PRDM15: variants seen among roughly 807,000 people sequenced by gnomAD.
PRDM15 encodes PR domain zinc finger protein 15.
A neutral mutation model predicts 128.6 loss-of-function variants in PRDM15; 64 were observed. The ratio of observed to expected loss-of-function variants is 0.50; its 90% CI spans 0.41 to 0.61. The LOEUF is 0.61. Ranked by LOEUF, PRDM15 falls within the 20% of genes least tolerant of loss-of-function variation. PRDM15 has a pLI of 0.00. For missense variants in PRDM15, 1,242 were observed against 1,569.1 expected, an observed-to-expected ratio of 0.79 and a Z score of 3.52; for synonymous variants, 615 against 621.8, an observed-to-expected ratio of 0.99 and a Z score of 0.16.
At position 41,801,212 on chromosome 21, in the gene PRDM15, TC is replaced by T. The variant is rs2061405474; in HGVS notation, c.*27del. 2.0e-6 allele frequency: 3 copies of T among 1,506,134 alleles called. No individual in the cohort carries two copies. Among genetic ancestry groups the T allele is most frequent in the Admixed American group, 4.5e-5 (2 of 44,108 alleles). The allele number at this position is 1,506,134 out of a possible 1,614,324, so 93.3% of individuals were successfully genotyped here. Reference sequence around the variant, plus strand: ...CAAATCCCAAACATCCCTCTGCAGTTCTTGCCCCGAGTCTCCCGGAACGCAG... The same window carrying T: ...CAAATCCCAAACATCCCTCTGCAGTTTTGCCCCGAGTCTCCCGGAACGCAG... On this transcript the variant is annotated 3_prime_UTR_variant, in exon 24 of 24. Transcript: ENST00000398548.
chr21:41,863,795 A>G (rs531449746), intron 1 of PRDM15, among the ~76,000 whole-genome samples: 1 of 152,328 alleles, frequency 6.6e-6, no homozygotes, highest in African/African-American at 2.4e-5. Flanking sequence ...ACAGAAATCA[A>G]TGGAACAAAA....
In PRDM15 at chr21:41,802,748, G is replaced by A. The variant is rs374593622; in HGVS notation, c.2907C>T (p.Gly969=). Residue 969 remains glycine (G), a synonymous_variant, in exon 23 of 24, where the codon GGC becomes GGT. Transcript: ENST00000398548. The part of the protein sequence containing the change: ...EKETEFTGSV[G]DETNSAVQSI... ...TCTGTACTGCGGAATTGGTCTCGTC[G>A]CCTACACTGCCTGTGAACTCCGTCT... 8.1e-6 allele frequency: 13 copies of A among 1,614,004 alleles called. No homozygotes were observed. The highest frequency in any genetic ancestry group is 1.3e-5 in the African/African-American group (1 of 74,898).
At chr21:41,834,702 T>C (rs1209083847) in intron 11 of PRDM15, 4 of 679,948 alleles carry the variant, frequency 5.9e-6, no homozygotes, top group East Asian at 5.4e-5. Flanking sequence ...AGGGTGCACG[T>C]CATCACTGCA....
intron 18 of PRDM15, 120 bp from the exon 19 acceptor site, chr21:41,815,956 G>T: frequency 1.5e-6 from 2 of 1,302,014 alleles, no homozygotes; most frequent in Non-Finnish European, 2.1e-6. Flanking sequence ...GAGGGTGTGG[G>T]CCGGCCCCCG....
At chr21:41,818,100 C>T (rs1163206337) in intron 18 of PRDM15, among the ~76,000 whole-genome samples, 1 of 152,212 alleles carries the variant, frequency 6.6e-6, no homozygotes, top group Non-Finnish European at 1.5e-5. Context: ...ACGCGCTACT[C>T]AGGACCCCTC....
Position 41,854,712 on chromosome 21 carries a change from A to AAATGCTAGATTT in PRDM15, c.391_392insAAATCTAGCATT (p.Asn130_Leu131insGlnIleTer). On this transcript the variant is annotated stop_gained, in exon 5 of 24. Coordinates refer to ENST00000398548, the MANE Select transcript of PRDM15 (RefSeq NM_001040424.3). LOFTEE classifies it high-confidence loss of function. This position sits in a 1 kb window ranked among gnomAD's most constrained non-coding sequence, Gnocchi z 4.6. ...GTCGCTGCCGTGCTGGTAGGCCGTC[A>AAATGCTAGATTT]GGTTCTGGTGCTCGGCCTCCGCCGC... 6.2e-7 allele frequency: 1 copy of AAATGCTAGATTT among 1,613,446 alleles called. No individual in the cohort carries two copies.
chr21:41,832,605 C>A lies in PRDM15; in HGVS notation c.1366+2832G>T, dbSNP rs1310520800. ...CAGCATAGGTGAGCCTCCCTCCCAG[C>A]CAGGCACTAAAGAGCACAGGTGAGC... On this transcript the variant is annotated intron_variant, in intron 11 of 23. Transcript: ENST00000398548. The surrounding 1 kb of genome is among the most constrained non-coding windows in gnomAD (Gnocchi z 4.2). Among the ~76,000 whole-genome samples, 1 of 152,010 alleles carries A rather than the reference C, an allele frequency of 6.6e-6. No homozygotes were observed. Among genetic ancestry groups the A allele is most frequent in the African/African-American group, 2.4e-5 (1 of 41,374 alleles).
In PRDM15 at chr21:41,821,916, C is replaced by T; in HGVS notation, c.1883G>A (p.Cys628Tyr). Residue 628 changes from cysteine (C) to tyrosine (Y), a missense_variant, in exon 15 of 24, where the codon TGC becomes TAC. Around this residue, in one of 3 missense-constraint regions of PRDM15, gnomAD observed 602 missense variants for 788.3 expected, o/e 0.76. Coordinates refer to ENST00000398548, the MANE Select transcript of PRDM15 (RefSeq NM_001040424.3). The surrounding 1 kb of genome is among the most constrained non-coding windows in gnomAD (Gnocchi z 5.4). Reference protein sequence around the residue: ...SADSEPHKYSCKRCQLTFGRG... With the variant: ...SADSEPHKYSYKRCQLTFGRG... ...AACCCGCCATACCTGGCACCGCTTGCAGCTGTACTTGTGAGGCTCCGAGTC... is the reference window on the plus strand; with the variant it reads ...AACCCGCCATACCTGGCACCGCTTGTAGCTGTACTTGTGAGGCTCCGAGTC... 1 of 1,614,134 alleles carries T rather than the reference C, an allele frequency of 6.2e-7. No individual in the cohort carries two copies. Among genetic ancestry groups the T allele is most frequent in the Non-Finnish European group, 8.5e-7 (1 of 1,180,042 alleles).
At chr21:41,807,006 C>CCATCACT (rs2061701800) in intron 21 of PRDM15, among the ~76,000 whole-genome samples, 3 of 151,576 alleles carry the variant, frequency 2.0e-5, no homozygotes, top group Admixed American at 6.6e-5. Context: ...CCTCTACCAC[C>CCATCACT]ACCATCACCA....
intron 14 of PRDM15, 109 bp from the exon 15 acceptor site, chr21:41,822,146 C>T (rs2062298976): frequency 4.1e-6 from 6 of 1,460,628 alleles, no homozygotes; most frequent in East Asian, 2.3e-5. Flanking sequence ...AAGAAAATGC[C>T]TCTCTGATGC....
chr21:41,845,947 T>C (rs1477417319), intron 6 of PRDM15, among the ~76,000 whole-genome samples: 2 of 151,964 alleles, frequency 1.3e-5, no homozygotes, highest in South Asian at 2.1e-4. Flanking sequence ...AAACGCGGCG[T>C]TTCTAGAAAA....
chr21:41,850,682 C>T (rs1204860388), intron 5 of PRDM15, among the ~76,000 whole-genome samples: 5 of 151,936 alleles, frequency 3.3e-5, no homozygotes, highest in African/African-American at 7.3e-5. Flanking sequence ...CAGTGAGCCA[C>T]GATCATGCCA....
chr21:41,835,604 C>T lies in PRDM15; in HGVS notation c.1279-80G>A, dbSNP rs749744347. The T allele has an allele frequency of 3.0e-5, 34 of 1,127,070 alleles. No individual in the cohort carries two copies. In the African/African-American group the frequency reaches 3.4e-4, roughly 11 times the overall value. 69.8% of individuals were successfully genotyped at this position (1,127,070 alleles called of 1,614,324 possible). On this transcript the variant is annotated intron_variant, in intron 10 of 23. Transcript: ENST00000398548. ...CCGAGCCCCCGACGTGCTGCCCGGG[C>T]GACTCCACGCCTGTGTCTGTTATGA...
chr21:41,833,268 C>G (rs568170375), intron 11 of PRDM15, among the ~76,000 whole-genome samples: 1 of 152,230 alleles, frequency 6.6e-6, no homozygotes, highest in South Asian at 2.1e-4. Flanking sequence ...CACAACAGGT[C>G]CCATGGAGGG....
intron 12 of PRDM15, among the ~76,000 whole-genome samples, chr21:41,827,951 G>A (rs192897905): frequency 9.9e-4 from 150 of 152,184 alleles, no homozygotes; most frequent in Non-Finnish European, 1.3e-3. Context: ...TTCTCCTTGC[G>A]CACAGCAGGT....
intron 21 of PRDM15, among the ~76,000 whole-genome samples, chr21:41,806,565 CACCAT>C (rs1415471809): frequency 4.0e-4 from 2 of 4,946 alleles, no homozygotes; most frequent in Non-Finnish European, 8.7e-4. Flanking sequence ...CCATCACCAT[CACCAT>C]ACCACCACCA....
rs535721275 is a variant in PRDM15 at position 41,810,692 on chromosome 21, C to G, written c.2476+61G>C. On this transcript the variant is annotated intron_variant, in intron 20 of 23. Transcript: ENST00000398548. The surrounding 1 kb of genome is among the most constrained non-coding windows in gnomAD (Gnocchi z 6.4). The stretch of plus-strand genomic sequence containing the variant: ...AGTCGTTTCCACCCCAGCAGGCACT[C>G]AGACAGCCCCGGCAGCCTGCCGCGT... 7 of 1,353,354 alleles carry G rather than the reference C, an allele frequency of 5.2e-6. No homozygotes were observed. The African/African-American group carries it at 8.6e-5, about 17-fold the overall frequency. The allele number at this position is 1,353,354 out of a possible 1,614,324, so 83.8% of individuals were successfully genotyped here.
chr21:41,840,549 G>T (rs774209287), intron 6 of PRDM15, among the ~76,000 whole-genome samples: 1 of 151,884 alleles, frequency 6.6e-6, no homozygotes, highest in Non-Finnish European at 1.5e-5. Context: ...GTGCATGGAA[G>T]GACCACTGTA....
Position 41,835,963 on chromosome 21 carries a change from G to GGCCT in PRDM15, c.1278+149_1278+150insAGGC. 3.5e-5 allele frequency: 4 copies of GGCCT among 115,680 alleles called. 1 individual carries two copies. Among genetic ancestry groups the GGCCT allele is most frequent in the South Asian group, 8.3e-5 (1 of 12,096 alleles). The allele number at this position is 115,680 out of a possible 1,614,324, so 7.2% of individuals were successfully genotyped here. A position where few individuals can be genotyped will look rare whatever the true frequency, so the allele number is the denominator to read the frequency against. On this transcript the variant is annotated intron_variant, in intron 10 of 23. Transcript: ENST00000398548. ...TGGCCGCTCTCCTCCCTCCCCCACA[G>GGCCT]CCCCCGCCCACTCTCCTCCCTCCCC...
Sources: allele counts gnomAD v4.1 joint callset (sites outside exome capture counted in the v4.1 genomes callset), GRCh38; gene constraint gnomAD v4.1.1; regional missense constraint gnomAD v4.1.1; non-coding constraint Gnocchi (gnomAD v3.1); transcripts MANE v1.5; gene names NCBI Gene and HGNC (gene_info 2026-07-23, HGNC 2026-07-21).